PBX4: variants seen among roughly 807,000 people sequenced by gnomAD.
PBX4 encodes pre-B-cell leukemia transcription factor 4.
Under a neutral mutation model 35.1 loss-of-function variants are expected in PBX4, and 26 were observed. That is an observed-to-expected ratio of 0.74 (90% CI 0.54 to 1.03). The LOEUF is 1.03. Among genes scored for constraint, PBX4 ranks in the 50% least tolerant of loss-of-function variants. The pLI is 0.00. For missense variants in PBX4, 448 were observed against 504.3 expected (o/e 0.89, Z 1.07); for synonymous variants, 199 against 204.2 (o/e 0.97, Z 0.22).
Position 19,561,977 on chromosome 19 carries a change from C to A in PBX4, c.*48G>T, listed in dbSNP as rs369021002. 1.4e-5 allele frequency: 21 copies of A among 1,503,052 alleles called. No homozygotes were observed. In the Admixed American group the frequency reaches 2.2e-4, roughly 16 times the overall value. The allele number at this position is 1,503,052 out of a possible 1,614,324, so 93.1% of individuals were successfully genotyped here. ...CGTTCAGTAACAAAGCAACGGCTGGCGATACATGGCAGCTCACGCAGCGCT... is the reference window on the plus strand; with the variant it reads ...CGTTCAGTAACAAAGCAACGGCTGGAGATACATGGCAGCTCACGCAGCGCT... On this transcript the variant is annotated 3_prime_UTR_variant, in exon 8 of 8. Coordinates refer to ENST00000251203, the MANE Select transcript of PBX4 (RefSeq NM_025245.3).
intron 1 of PBX4, among the ~76,000 whole-genome samples, chr19:19,612,767 A>T (rs1361283221): frequency 6.6e-6 from 1 of 152,150 alleles, no homozygotes. Flanking sequence ...AGAGGCCAGA[A>T]ACCAGGAACC....
chr19:19,594,726 G>C (rs1034366676), intron 2 of PBX4, among the ~76,000 whole-genome samples: 1 of 152,018 alleles, frequency 6.6e-6, no homozygotes, highest in African/African-American at 2.4e-5. Flanking sequence ...GTTGATTAAA[G>C]TACTTTTTTT....
intron 2 of PBX4, among the ~76,000 whole-genome samples, chr19:19,585,250 G>A (rs1330984886): frequency 6.6e-6 from 1 of 151,850 alleles, no homozygotes; most frequent in African/African-American, 2.4e-5. Flanking sequence ...TCTTGAACCC[G>A]GGAGGCAGAG....
intron 1 of PBX4, among the ~76,000 whole-genome samples, chr19:19,613,436 A>C (rs2061673099): frequency 7.1e-6 from 1 of 139,866 alleles, no homozygotes; most frequent in Non-Finnish European, 1.5e-5. Flanking sequence ...CCAGAGCGAG[A>C]CTCTGTCTCA....
At chr19:19,608,326 T>C (rs2061643245) in intron 1 of PBX4, 2 of 147,894 alleles carry the variant, frequency 1.4e-5, no homozygotes, top group African/African-American at 5.0e-5. Context: ...TGCACTCCAG[T>C]CTAGGCAAGT....
chr19:19,576,375 G>A (rs1801589742), intron 2 of PBX4, among the ~76,000 whole-genome samples: 2 of 151,894 alleles, frequency 1.3e-5, no homozygotes, highest in African/African-American at 4.8e-5. Context: ...ACAGGCACAC[G>A]CCACCATGCC....
rs1327522011 is a variant in PBX4 at position 19,570,114 on chromosome 19, A to G, written c.627T>C (p.Asp209=). ...GGGTACGTACAGGCCCTGACCTGGC[A>G]TCGAGCAGCCGCGAACGCAGGGTCA... ...AVMTLRSRLL[D]ARRKRRNFSK... The change falls in exon 4 of 8, where the codon GAT becomes GAC. Residue 209 remains aspartate (D), a synonymous_variant. Coordinates refer to ENST00000251203, the MANE Select transcript of PBX4 (RefSeq NM_025245.3). 1 of 1,600,912 alleles carries G rather than the reference A, an allele frequency of 6.2e-7. No homozygotes were observed. Among genetic ancestry groups the G allele is most frequent in the South Asian group, 1.1e-5 (1 of 89,428 alleles).
Position 19,618,528 on chromosome 19 carries a change from C to T in PBX4, c.102G>A (p.Leu34=). ...GGCAGCACCTGGCCTGTGCCTCGTCCAGGCTCTGGTCGGTGATGGCCATGA... is the reference window on the plus strand; with the variant it reads ...GGCAGCACCTGGCCTGTGCCTCGTCTAGGCTCTGGTCGGTGATGGCCATGA... ...QQIMAITDQS[L]DEAQARKHAL... The change falls in exon 1 of 8, where the codon CTG becomes CTA. Residue 34 remains leucine (L), a synonymous_variant. Transcript: ENST00000251203. 1 of 1,481,096 alleles carries T rather than the reference C, an allele frequency of 6.8e-7. No individual in the cohort carries two copies. The highest frequency in any genetic ancestry group is 1.4e-5 in the African/African-American group (1 of 69,136). 91.7% of individuals were successfully genotyped at this position (1,481,096 alleles called of 1,614,324 possible).
chr19:19,605,358 G>C (rs1230496608), intron 1 of PBX4, among the ~76,000 whole-genome samples: 1 of 150,428 alleles, frequency 6.6e-6, no homozygotes, highest in Non-Finnish European at 1.5e-5. Flanking sequence ...GGAGGCTACA[G>C]TGAGCTGAGA....
At chr19:19,569,849 G>A (rs1047772187) in intron 4 of PBX4, among the ~76,000 whole-genome samples, 1 of 152,214 alleles carries the variant, frequency 6.6e-6, no homozygotes, top group African/African-American at 2.4e-5. Flanking sequence ...GGCGGAGGTT[G>A]TGGTGAGTGG....
chr19:19,597,051 A>C (rs1023287497), intron 2 of PBX4, among the ~76,000 whole-genome samples: 2 of 152,048 alleles, frequency 1.3e-5, no homozygotes, highest in Non-Finnish European at 2.9e-5. Context: ...ATCTTTAATA[A>C]AAAATACAAA....
intron 2 of PBX4, chr19:19,588,415 A>G (rs1599361300): frequency 7.6e-7 from 1 of 1,312,510 alleles, no homozygotes; most frequent in Non-Finnish European, 1.1e-6. Context: ...ATGTTTAGCC[A>G]TAGTTCCCAA....
chr19:19,588,239 A>T, intron 2 of PBX4: 1 of 1,367,676 alleles, frequency 7.3e-7, no homozygotes, highest in Non-Finnish European at 1.0e-6. Flanking sequence ...GCCTCCACAG[A>T]TCACACAGAG....
chr19:19,592,556 G>A (rs770992294), intron 2 of PBX4, among the ~76,000 whole-genome samples: 5 of 152,134 alleles, frequency 3.3e-5, no homozygotes, highest in Admixed American at 2.6e-4. Flanking sequence ...CAGTGCATCC[G>A]GTGATGCCAG....
rs553217230 is a variant in PBX4 at position 19,581,956 on chromosome 19, G to A, written c.194-11123C>T. 3.3e-5 allele frequency among the ~76,000 whole-genome samples: 5 copies of A among 152,244 alleles called. No homozygotes were observed. The East Asian group carries it at 5.8e-4, about 18-fold the overall frequency. On this transcript the variant is annotated intron_variant, in intron 2 of 7. Transcript: ENST00000251203. ...AGAGGCCTATGGAGGAAGTGGTACC[G>A]CCTGATTCCCCAGGAGAGTGCCCTG...
chr19:19,562,475 T>C lies in PBX4; in HGVS notation c.1033-358A>G, dbSNP rs1314337442. On this transcript the variant is annotated intron_variant, in intron 7 of 7. Transcript: ENST00000251203. The surrounding 1 kb of genome is among the most constrained non-coding windows in gnomAD (Gnocchi z 4.8). ...GCCCATGATGACGCCCGGAGCGTCATGGTGAGACTCGGTGGGAAAAAGGGG... is the reference window on the plus strand; with the variant it reads ...GCCCATGATGACGCCCGGAGCGTCACGGTGAGACTCGGTGGGAAAAAGGGG... 1.3e-5 allele frequency among the ~76,000 whole-genome samples: 2 copies of C among 151,832 alleles called. No individual in the cohort carries two copies. The highest frequency in any genetic ancestry group is 2.4e-5 in the African/African-American group (1 of 41,246).
intron 2 of PBX4, among the ~76,000 whole-genome samples, chr19:19,571,982 G>C (rs1398299274): frequency 7.3e-6 from 1 of 136,456 alleles, no homozygotes; most frequent in Non-Finnish European, 1.5e-5. Context: ...GCAGTGAGCT[G>C]AGATCTTGCC....
intron 1 of PBX4, among the ~76,000 whole-genome samples, chr19:19,612,901 C>T (rs1431856672): frequency 2.6e-5 from 4 of 151,922 alleles, no homozygotes; most frequent in African/African-American, 9.7e-5. Flanking sequence ...TCACTGCAAC[C>T]TCCGTCTCCA....
At chr19:19,591,469 C>T (rs2061527500) in intron 2 of PBX4, among the ~76,000 whole-genome samples, 1 of 152,238 alleles carries the variant, frequency 6.6e-6, no homozygotes, top group Non-Finnish European at 1.5e-5. Flanking sequence ...TACATTTACT[C>T]CTCTGAATGG....
Sources: allele counts gnomAD v4.1 joint callset (sites outside exome capture counted in the v4.1 genomes callset), GRCh38; gene constraint gnomAD v4.1.1; non-coding constraint Gnocchi (gnomAD v3.1); transcripts MANE v1.5; gene names NCBI Gene and HGNC (gene_info 2026-07-23, HGNC 2026-07-21).